The following PCDHGB5 variants were observed in gnomAD, a reference collection of about 807,000 sequenced individuals.
The protein encoded by PCDHGB5 is protocadherin gamma-B5.
Under a neutral mutation model 62.9 loss-of-function variants are expected in PCDHGB5, and 48 were observed. The observed-to-expected ratio is 0.76, with a 90% CI of 0.61 to 0.97. The LOEUF is 0.97. Ranked by LOEUF, PCDHGB5 falls within the 50% of genes least tolerant of loss-of-function variation. PCDHGB5 has a pLI of 0.00. For missense variants in PCDHGB5, 1,118 were observed against 1,198.6 expected (o/e 0.93, Z 0.99); for synonymous variants, 474 against 511.2 (o/e 0.93, Z 0.98).
chr5:141,499,533 G>T (rs2099792525), intron 2 of PCDHGB5, among the ~76,000 whole-genome samples: 1 of 152,086 alleles, frequency 6.6e-6, no homozygotes, highest in African/African-American at 2.4e-5. Flanking sequence ...AGAGAGAATG[G>T]TGTCATGAAC....
chr5:141,458,612 C>T (rs1381385841), intron 1 of PCDHGB5, among the ~76,000 whole-genome samples: 1 of 152,084 alleles, frequency 6.6e-6, no homozygotes, highest in Non-Finnish European at 1.5e-5. Flanking sequence ...CTCTGTCAGC[C>T]AGGCTGGAGT....
intron 1 of PCDHGB5, among the ~76,000 whole-genome samples, chr5:141,473,350 G>A (rs28461214): frequency 0.13 from 19,833 of 152,204 alleles, 1,410 homozygotes; most frequent in African/African-American, 0.17. Context: ...CAGTGAGGAT[G>A]CAAGTGGCCA....
chr5:141,505,592 A>T, intron 3 of PCDHGB5, 111 bp downstream of exon 3: 2 of 1,567,266 alleles, frequency 1.3e-6, no homozygotes, highest in Admixed American at 3.6e-5. Flanking sequence ...GTTTCTCCAG[A>T]TCTTTCGGCA....
At position 141,450,045 on chromosome 5, in the gene PCDHGB5, C is replaced by T. The variant is rs369046547; in HGVS notation, c.2398-44762C>T. On this transcript the variant is annotated intron_variant, in intron 1 of 3. Transcript: ENST00000617380. Reference sequence around the variant, plus strand: ...TTTTTGAGACAGGGTCTCACTCTTTCGCCCAGGCTGGAATGCAGTGGTATG... The same window carrying T: ...TTTTTGAGACAGGGTCTCACTCTTTTGCCCAGGCTGGAATGCAGTGGTATG... 4.6e-5 allele frequency among the ~76,000 whole-genome samples: 6 copies of T among 129,508 alleles called. No individual in the cohort carries two copies. In the South Asian group the frequency reaches 9.6e-4, roughly 21 times the overall value. 85.0% of individuals were successfully genotyped at this position (129,508 alleles called of 152,430 possible).
chr5:141,422,629 A>C lies in PCDHGB5; in HGVS notation c.2397+22105A>C, dbSNP rs780472571. 1.9e-6 allele frequency: 3 copies of C among 1,613,270 alleles called. No homozygotes were observed. The Admixed American group carries it at 5.0e-5, about 27-fold the overall frequency. Reference sequence around the variant, plus strand: ...TGCCTACATTCCCGAAAACAACCCCAGGGGTGCCTCCATCTTCTCAGTGAC... The same window carrying C: ...TGCCTACATTCCCGAAAACAACCCCCGGGGTGCCTCCATCTTCTCAGTGAC... On this transcript the variant is annotated intron_variant, in intron 1 of 3. Transcript: ENST00000617380.
At position 141,432,185 on chromosome 5, in the gene PCDHGB5, G is replaced by A. The variant is rs376661062; in HGVS notation, c.2397+31661G>A. 8.1e-6 allele frequency: 13 copies of A among 1,613,956 alleles called. No individual in the cohort carries two copies. The African/African-American group carries it at 1.3e-4, about 17-fold the overall frequency. On this transcript the variant is annotated intron_variant, in intron 1 of 3. Transcript: ENST00000617380. This position sits in a 1 kb window ranked among gnomAD's most constrained non-coding sequence, Gnocchi z 6.0. ...AGGAGTTTCCCTCGTCTCTGTGACC[G>A]CCCACGACCCCGACTGTGAAGAGAA...
intron 1 of PCDHGB5, chr5:141,404,805 C>G (rs770534822): frequency 1.3e-5 from 21 of 1,613,960 alleles, no homozygotes; most frequent in Non-Finnish European, 1.8e-5. Context: ...GGGCTCTTCT[C>G]GGTGGGGCTG....
intron 1 of PCDHGB5, among the ~76,000 whole-genome samples, chr5:141,444,152 ATTTTTTTTTTTTTTTTTTTTT>A (rs747671382): frequency 8.9e-5 from 3 of 33,882 alleles, no homozygotes; most frequent in Admixed American, 3.9e-4. Context: ...TGTGTACTGG[ATTTTTTTTTTTTTTTTTTTTT>A]TTTTTTTTTT....
At position 141,495,009 on chromosome 5, in the gene PCDHGB5, G is replaced by A; in HGVS notation, c.2456+144G>A. 6 of 1,518,622 alleles carry A rather than the reference G, an allele frequency of 4.0e-6. No homozygotes were observed. The South Asian group carries it at 6.2e-5, about 16-fold the overall frequency. The allele number at this position is 1,518,622 out of a possible 1,614,324, so 94.1% of individuals were successfully genotyped here. ...TCCCAGGGAGGTCTTGGTGTGCGGG[G>A]GGCTGGCACACAGACCCCGGAAGGA... is the stretch of plus-strand genomic sequence containing the variant. On this transcript the variant is annotated intron_variant, in intron 2 of 3. Coordinates refer to ENST00000617380, the MANE Select transcript of PCDHGB5 (RefSeq NM_018925.3).
At chr5:141,405,179 G>A (rs2094620573) in intron 1 of PCDHGB5, 1 of 1,614,028 alleles carries the variant, frequency 6.2e-7, no homozygotes, top group South Asian at 1.1e-5. Context: ...CTTTGTGGGT[G>A]TAGATGGGGT....
chr5:141,433,347 CCTA>C, intron 1 of PCDHGB5: 1 of 626,716 alleles, frequency 1.6e-6, no homozygotes, highest in South Asian at 2.0e-5. Flanking sequence ...GTGCAAGCCA[CCTA>C]CTGTCTGCCT....
intron 1 of PCDHGB5, chr5:141,420,293 A>G: frequency 1.3e-6 from 2 of 1,485,602 alleles, no homozygotes; most frequent in Non-Finnish European, 9.1e-7. Context: ...TTAAAAATGT[A>G]TTTAATCCTT....
chr5:141,413,788 G>T (rs2095678300), intron 1 of PCDHGB5: 1 of 1,613,166 alleles, frequency 6.2e-7, no homozygotes, highest in African/African-American at 1.3e-5. Flanking sequence ...GCACTCCCTA[G>T]ATCGCGAGGA....
At chr5:141,419,917 T>C in intron 1 of PCDHGB5, 1 of 1,612,890 alleles carries the variant, frequency 6.2e-7, no homozygotes, top group Non-Finnish European at 8.5e-7. Context: ...ACTCCCAGGC[T>C]GAGATGCAGT....
rs140056243 is a variant in PCDHGB5 at position 141,487,386 on chromosome 5, G to A, written c.2398-7421G>A. 21 of 1,614,046 alleles carry A rather than the reference G, an allele frequency of 1.3e-5. No individual in the cohort carries two copies. The highest frequency in any genetic ancestry group is 4.0e-5 in the African/African-American group (3 of 74,920). On this transcript the variant is annotated intron_variant, in intron 1 of 3. Coordinates refer to ENST00000617380, the MANE Select transcript of PCDHGB5 (RefSeq NM_018925.3). The surrounding 1 kb of genome is among the most constrained non-coding windows in gnomAD (Gnocchi z 5.0). Reference sequence around the variant, plus strand: ...ACCTGTGCCTGTCTCACCAGATCTCGAAGGAGGGAGGGGCTTCCCCCTTCC... The same window carrying A: ...ACCTGTGCCTGTCTCACCAGATCTCAAAGGAGGGAGGGGCTTCCCCCTTCC...
chr5:141,417,572 G>T, intron 1 of PCDHGB5: 1 of 376,228 alleles, frequency 2.7e-6, no homozygotes, highest in East Asian at 4.1e-5. Flanking sequence ...AAGTCAAGTT[G>T]CAGTCCCACA....
In PCDHGB5 at chr5:141,476,321, G is replaced by GT; in HGVS notation, c.2398-18485dup. ...CCTCTCAGCCCGCAGGTTCCGGGTG[G>GT]TGTCTGGAGCTAGCCGAAGATTCTT... On this transcript the variant is annotated intron_variant, in intron 1 of 3. Coordinates refer to ENST00000617380, the MANE Select transcript of PCDHGB5 (RefSeq NM_018925.3). The surrounding 1 kb of genome is among the most constrained non-coding windows in gnomAD (Gnocchi z 7.6). The GT allele has an allele frequency of 6.2e-7, 1 of 1,614,196 alleles. No individual in the cohort carries two copies. Among genetic ancestry groups the GT allele is most frequent in the Non-Finnish European group, 8.5e-7 (1 of 1,180,050 alleles).
Position 141,477,864 on chromosome 5 carries a change from G to A in PCDHGB5, c.2398-16943G>A, listed in dbSNP as rs775055164. On this transcript the variant is annotated intron_variant, in intron 1 of 3. Transcript: ENST00000617380. The surrounding 1 kb of genome is among the most constrained non-coding windows in gnomAD (Gnocchi z 4.9). Reference sequence around the variant, plus strand: ...AGCTCGGTGGAGATGCTGCCTCGAGGTACCTCAGCTGGCCACCTAGTGTCA... The same window carrying A: ...AGCTCGGTGGAGATGCTGCCTCGAGATACCTCAGCTGGCCACCTAGTGTCA... 1.2e-6 allele frequency: 2 copies of A among 1,613,122 alleles called. No homozygotes were observed. The highest frequency in any genetic ancestry group is 4.5e-5 in the East Asian group (2 of 44,822).
chr5:141,441,752 C>T, intron 1 of PCDHGB5: 2 of 378,086 alleles, frequency 5.3e-6, no homozygotes, highest in Non-Finnish European at 1.1e-5. Context: ...TCGGCGTCAA[C>T]GTGAGCCTGC....
Sources: gnomAD v4.1 joint callset for allele counts (sites outside exome capture counted in the v4.1 genomes callset) on GRCh38, gnomAD v4.1.1 for gene constraint, Gnocchi (gnomAD v3.1) non-coding constraint, MANE v1.5 for transcripts, NCBI Gene and HGNC (gene_info 2026-07-23, HGNC 2026-07-21) for gene names.